The following ACAP2 variants were observed in gnomAD, a reference collection of about 807,000 sequenced individuals.
ACAP2 encodes the protein ArfGAP with coiled-coil, ankyrin repeat and PH domains 2.
A neutral mutation model predicts 115.8 loss-of-function variants in ACAP2; 39 were observed. The observed-to-expected ratio is 0.34, with a 90% CI of 0.26 to 0.44. The LOEUF is 0.44. ACAP2 is among the 20% of genes least tolerant of loss of function. The probability of loss-of-function intolerance (pLI) is 1.00; values close to 1 mark genes in which losing one functional copy is unlikely to be tolerated. For missense variants in ACAP2, 662 were observed against 927.6 expected (o/e 0.71, Z 3.72); for synonymous variants, 289 against 315.8 (o/e 0.92, Z 0.90).
At chr3:195,290,329 T>C (rs1727156999) in intron 20 of ACAP2, among the ~76,000 whole-genome samples, 1 of 152,028 alleles carries the variant, frequency 6.6e-6, no homozygotes, top group Non-Finnish European at 1.5e-5. Flanking sequence ...AATGTGCCTA[T>C]GAACAGTCAC....
chr3:195,345,409 T>C, intron 4 of ACAP2, 92 bp from the exon 5 acceptor site: 1 of 750,270 alleles, frequency 1.3e-6, no homozygotes, highest in Non-Finnish European at 2.3e-6. Context: ...CCATCAATTC[T>C]TCAATTCTAA....
At chr3:195,412,955 T>C (rs1025024595) in intron 1 of ACAP2, 1 of 454,466 alleles carries the variant, frequency 2.2e-6, no homozygotes, top group Non-Finnish European at 4.4e-6. Context: ...AGATATGAAA[T>C]ATGTATACAT....
chr3:195,390,947 A>T (rs527973655), intron 2 of ACAP2, among the ~76,000 whole-genome samples: 1 of 152,282 alleles, frequency 6.6e-6, no homozygotes, highest in African/African-American at 2.4e-5. Flanking sequence ...TATAGCAAAC[A>T]GTGTTTCTTG....
chr3:195,295,374 GA>G (rs1474497072), intron 17 of ACAP2: 2 of 930,910 alleles, frequency 2.1e-6, no homozygotes, highest in Non-Finnish European at 1.5e-6. Context: ...ACGTTACTGG[GA>G]AAAAATTTAG....
intron 2 of ACAP2, among the ~76,000 whole-genome samples, chr3:195,389,888 C>T (rs1298009586): frequency 1.3e-5 from 2 of 152,308 alleles, no homozygotes; most frequent in East Asian, 1.9e-4. Flanking sequence ...GCAAGAAGAG[C>T]GCTGAACTGA....
chr3:195,319,253 A>G (rs1729291142), intron 10 of ACAP2, among the ~76,000 whole-genome samples: 1 of 152,232 alleles, frequency 6.6e-6, no homozygotes, highest in Non-Finnish European at 1.5e-5. Context: ...AGGAGCCCTC[A>G]TGGAGAACCT....
intron 8 of ACAP2, among the ~76,000 whole-genome samples, chr3:195,331,033 CT>C (rs1324529096): frequency 6.6e-6 from 1 of 152,142 alleles, no homozygotes; most frequent in Non-Finnish European, 1.5e-5. Flanking sequence ...AAATAAAACT[CT>C]TTTTTAAATT....
intron 22 of ACAP2, among the ~76,000 whole-genome samples, chr3:195,281,983 C>T (rs1726538967): frequency 6.6e-6 from 1 of 152,116 alleles, no homozygotes; most frequent in East Asian, 1.9e-4. Flanking sequence ...CCATTCAACA[C>T]TAGAAGTAAC....
At chr3:195,385,796 G>A (rs910570877) in intron 2 of ACAP2, among the ~76,000 whole-genome samples, 3 of 152,206 alleles carry the variant, frequency 2.0e-5, no homozygotes, top group Non-Finnish European at 4.4e-5. Context: ...AACTTCCCCT[G>A]TAGGGTTTTA....
intron 8 of ACAP2, among the ~76,000 whole-genome samples, chr3:195,327,426 A>G (rs1005890970): frequency 1.3e-5 from 2 of 152,166 alleles, no homozygotes; most frequent in African/African-American, 4.8e-5. Flanking sequence ...TCACTCTAAC[A>G]GCTACTTCCA....
intron 9 of ACAP2, among the ~76,000 whole-genome samples, chr3:195,324,445 C>T (rs1729642554): frequency 6.6e-6 from 1 of 152,106 alleles, no homozygotes; most frequent in African/African-American, 2.4e-5. Flanking sequence ...CCTCACACCA[C>T]ACACAAAAAC....
chr3:195,292,450 C>G lies in ACAP2; in HGVS notation c.1768G>C (p.Gly590Arg). The G allele has an allele frequency of 6.3e-7, 1 of 1,599,316 alleles. No individual in the cohort carries two copies. Among genetic ancestry groups the G allele is most frequent in the Non-Finnish European group, 8.5e-7 (1 of 1,175,874 alleles). The change falls in exon 19 of 23, where the codon GGA becomes CGA. Residue 590 changes from glycine to arginine, a missense_variant and splice_region_variant. This residue lies in a region of ACAP2 where 133 missense variants were observed against 123.1 expected (regional missense o/e 1.08). Transcript: ENST00000326793. ...VSANSLYEPE[G>R]ERQDSSMFLD... The stretch of plus-strand genomic sequence containing the variant: ...AACATAGAAGAATCTTGCCTTTCTC[C>G]TTCTGAAAAGCAAACACATACACAT...
intron 1 of ACAP2, among the ~76,000 whole-genome samples, chr3:195,415,219 TATA>T (rs1265290265): frequency 6.6e-6 from 1 of 152,010 alleles, no homozygotes; most frequent in Admixed American, 6.6e-5. Context: ...GAGCAGAGAA[TATA>T]ATAATTCTCT....
chr3:195,424,382 C>T (rs1296327385), intron 1 of ACAP2, among the ~76,000 whole-genome samples: 1 of 147,880 alleles, frequency 6.8e-6, no homozygotes, highest in Non-Finnish European at 1.5e-5. Flanking sequence ...GCAACCTCCA[C>T]CTCCCTGGTT....
rs567357093 is a variant in ACAP2, at chr3:195,404,156, C to G, written c.54-12009G>C. Among the ~76,000 whole-genome samples, 4 of 152,052 alleles carry G rather than the reference C, an allele frequency of 2.6e-5. No individual in the cohort carries two copies. The South Asian group carries it at 8.3e-4, about 32-fold the overall frequency. ...AGGAGTTCAAGACCAGCCTAGGCAA[C>G]ATACATACATACACACATAAAATAA... is the stretch of plus-strand genomic sequence containing the variant. On this transcript the variant is annotated intron_variant, in intron 1 of 22. Coordinates refer to ENST00000326793, the MANE Select transcript of ACAP2 (RefSeq NM_012287.6).
chr3:195,279,210 C>T lies in ACAP2; in HGVS notation c.*118G>A, dbSNP rs878876724. On this transcript the variant is annotated 3_prime_UTR_variant, in exon 23 of 23. Transcript: ENST00000326793. Reference sequence around the variant, plus strand: ...AATATATGAATGGGTACCTCTTTTCCAAGCCATTCAATATCTACCAAAATT... The same window carrying T: ...AATATATGAATGGGTACCTCTTTTCTAAGCCATTCAATATCTACCAAAATT... The T allele has an allele frequency of 1.6e-5, 10 of 619,996 alleles. No homozygotes were observed. The highest frequency in any genetic ancestry group is 6.9e-5 in the South Asian group (3 of 43,612). The allele number at this position is 619,996 out of a possible 1,614,324, so 38.4% of individuals were successfully genotyped here.
At chr3:195,424,556 C>T (rs1250294425) in intron 1 of ACAP2, among the ~76,000 whole-genome samples, 1 of 151,530 alleles carries the variant, frequency 6.6e-6, no homozygotes, top group Non-Finnish European at 1.5e-5. Flanking sequence ...GCTTCGGCCT[C>T]CCAAAGTGCT....
At chr3:195,332,567 C>A (rs1417843351) in intron 8 of ACAP2, among the ~76,000 whole-genome samples, 1 of 152,096 alleles carries the variant, frequency 6.6e-6, no homozygotes, top group African/African-American at 2.4e-5. Flanking sequence ...AACATCAAGT[C>A]CTCCTTGATA....
At chr3:195,430,639 C>T (rs1214627878) in intron 1 of ACAP2, among the ~76,000 whole-genome samples, 3 of 151,918 alleles carry the variant, frequency 2.0e-5, no homozygotes, top group Non-Finnish European at 2.9e-5. Flanking sequence ...CACTTGAACC[C>T]GGGAGGCAGA....
Sources: gnomAD v4.1 joint callset for allele counts (sites outside exome capture counted in the v4.1 genomes callset) on GRCh38, gnomAD v4.1.1 for gene constraint, gnomAD v4.1.1 regional missense constraint, MANE v1.5 for transcripts, NCBI Gene and HGNC (gene_info 2026-07-23, HGNC 2026-07-21) for gene names.